ZFPM2: variants seen among roughly 807,000 people sequenced by gnomAD.
ZFPM2 encodes the protein zinc finger protein, FOG family member 2.
ZFPM2 carries 20 observed loss-of-function variants against 98.6 expected under a neutral mutation model. The ratio of observed to expected loss-of-function variants is 0.20; its 90% CI spans 0.14 to 0.29. The LOEUF is 0.29. Among genes scored for constraint, ZFPM2 ranks in the 10% least tolerant of loss-of-function variants. The pLI, the probability that ZFPM2 is intolerant of heterozygous loss-of-function variation, is 1.00. For synonymous variants in ZFPM2, 518 were observed against 502.7 expected (o/e 1.03, Z -0.41); for missense variants, 1,310 against 1,388.6 (o/e 0.94, Z 0.90).
At chr8:105,455,699 T>A (rs1812575375) in intron 3 of ZFPM2, among the ~76,000 whole-genome samples, 1 of 152,172 alleles carries the variant, frequency 6.6e-6, no homozygotes, top group Non-Finnish European at 1.5e-5. Flanking sequence ...GAGCACTTTA[T>A]ATATTTGTTA....
intron 2 of ZFPM2, among the ~76,000 whole-genome samples, chr8:105,441,587 G>A (rs931665138): frequency 3.3e-5 from 5 of 151,986 alleles, no homozygotes; most frequent in African/African-American, 4.8e-5. Context: ...GGAAGAGAGC[G>A]GATTGGGGCC....
intron 2 of ZFPM2, among the ~76,000 whole-genome samples, chr8:105,432,363 A>C (rs1216183755): frequency 6.6e-6 from 1 of 152,148 alleles, no homozygotes; most frequent in Non-Finnish European, 1.5e-5. Flanking sequence ...GTGTTATATA[A>C]AGGGCATTCA....
At position 105,444,160 on chromosome 8, in the gene ZFPM2, A is replaced by C. The variant is rs1304597781; in HGVS notation, c.200-120A>C. ...GTCATGAACATTTATTAGTGTAATG[A>C]CAATATGTATAACAAACCTGTAATT... On this transcript the variant is annotated intron_variant, in intron 2 of 7. Transcript: ENST00000407775. 5 of 732,892 alleles carry C rather than the reference A, an allele frequency of 6.8e-6. No homozygotes were observed. In the East Asian group the frequency reaches 1.4e-4, roughly 20 times the overall value. 45.4% of individuals were successfully genotyped at this position (732,892 alleles called of 1,614,324 possible). A position where few individuals can be genotyped will look rare whatever the true frequency, so the allele number is the denominator to read the frequency against.
At chr8:105,442,001 TTG>T (rs1812260763) in intron 2 of ZFPM2, among the ~76,000 whole-genome samples, 1 of 152,094 alleles carries the variant, frequency 6.6e-6, no homozygotes, top group Admixed American at 6.5e-5. Context: ...TTGCTAAGAC[TTG>T]GTCTTATTTG....
chr8:105,594,369 C>T (rs1194185819), intron 4 of ZFPM2, among the ~76,000 whole-genome samples: 2 of 152,068 alleles, frequency 1.3e-5, no homozygotes, highest in East Asian at 3.9e-4. Flanking sequence ...CAGAATGGAC[C>T]TTTTACTTTT....
intron 1 of ZFPM2, among the ~76,000 whole-genome samples, chr8:105,397,062 C>T (rs1437212901): frequency 2.0e-5 from 3 of 151,920 alleles, no homozygotes; most frequent in African/African-American, 7.3e-5. Context: ...ACAAAAACAC[C>T]ACTCCTACAA....
chr8:105,406,563 A>G (rs867589314), intron 1 of ZFPM2, among the ~76,000 whole-genome samples: 3 of 151,900 alleles, frequency 2.0e-5, no homozygotes, highest in Non-Finnish European at 4.4e-5. Flanking sequence ...TGACCCTCAC[A>G]CTCCTGAAGG....
chr8:105,707,007 A>G (rs890634864), intron 5 of ZFPM2, among the ~76,000 whole-genome samples: 3 of 152,118 alleles, frequency 2.0e-5, no homozygotes, highest in African/African-American at 7.2e-5. Context: ...TTGGAAGGCC[A>G]AGGTGGGAGG....
chr8:105,783,476 A>G (rs1241363733), intron 5 of ZFPM2, among the ~76,000 whole-genome samples: 1 of 152,086 alleles, frequency 6.6e-6, no homozygotes, highest in Non-Finnish European at 1.5e-5. Flanking sequence ...TGCAACTATT[A>G]CCACCATCCA....
At chr8:105,797,872 G>A (rs1813879620) in intron 6 of ZFPM2, among the ~76,000 whole-genome samples, 1 of 152,154 alleles carries the variant, frequency 6.6e-6, no homozygotes, top group Non-Finnish European at 1.5e-5. Context: ...CATCAGAACA[G>A]TAATTAGGCT....
chr8:105,796,267 G>T (rs1426212016), intron 6 of ZFPM2, among the ~76,000 whole-genome samples: 2 of 115,166 alleles, frequency 1.7e-5, no homozygotes, highest in Non-Finnish European at 3.3e-5. Context: ...AAGATTCTAG[G>T]AGTATCTGAT....
intron 3 of ZFPM2, among the ~76,000 whole-genome samples, chr8:105,510,769 G>A (rs1415026280): frequency 1.3e-5 from 2 of 152,194 alleles, no homozygotes; most frequent in Non-Finnish European, 2.9e-5. Flanking sequence ...GGAGATACTG[G>A]ATCGTGGACT....
intron 1 of ZFPM2, among the ~76,000 whole-genome samples, chr8:105,380,705 A>ATATATATATAT (rs71305148): frequency 6.3e-5 from 1 of 16,000 alleles, no homozygotes; most frequent in Non-Finnish European, 9.9e-5. Flanking sequence ...AACATATATA[A>ATATATATATAT]TATATATATA....
intron 5 of ZFPM2, among the ~76,000 whole-genome samples, chr8:105,640,229 A>G (rs755049775): frequency 2.6e-5 from 4 of 152,048 alleles, no homozygotes; most frequent in Non-Finnish European, 4.4e-5. Context: ...AAAATTTTGG[A>G]AGATGCCATT....
rs558675533 is a variant in ZFPM2 at position 105,522,339 on chromosome 8, T to A, written c.302-39024T>A. On this transcript the variant is annotated intron_variant, in intron 3 of 7. Transcript: ENST00000407775. The stretch of plus-strand genomic sequence containing the variant: ...AGGAACGATGTTTGGGAGAACAACA[T>A]CTTTTAACTTTTCACCATGTAATTA... Among the ~76,000 whole-genome samples, 240 of 152,314 alleles carry A rather than the reference T, an allele frequency of 1.6e-3. 1 individual carries two copies. Among genetic ancestry groups the A allele is most frequent in the African/African-American group, 5.4e-3 (225 of 41,582 alleles).
chr8:105,591,581 T>G (rs1251716237), intron 4 of ZFPM2, among the ~76,000 whole-genome samples: 1 of 152,192 alleles, frequency 6.6e-6, no homozygotes, highest in Non-Finnish European at 1.5e-5. Context: ...AAATTTTATT[T>G]AAAGACTTGT....
At chr8:105,446,877 T>G (rs1812384336) in intron 3 of ZFPM2, among the ~76,000 whole-genome samples, 1 of 152,150 alleles carries the variant, frequency 6.6e-6, no homozygotes, top group African/African-American at 2.4e-5. Context: ...TTATTTACTT[T>G]TCAAGGTAGA....
intron 4 of ZFPM2, among the ~76,000 whole-genome samples, chr8:105,629,529 TAAAAC>T (rs1816719100): frequency 6.6e-6 from 1 of 152,182 alleles, no homozygotes; most frequent in Admixed American, 6.5e-5. Flanking sequence ...CTTGAGGGCT[TAAAAC>T]AACAGAAATT....
At chr8:105,761,103 G>A (rs1484224090) in intron 5 of ZFPM2, among the ~76,000 whole-genome samples, 1 of 151,964 alleles carries the variant, frequency 6.6e-6, no homozygotes, top group Non-Finnish European at 1.5e-5. Flanking sequence ...TGTTATCTCA[G>A]TCTTTGGGGA....
Sources: allele counts gnomAD v4.1 joint callset (sites outside exome capture counted in the v4.1 genomes callset), GRCh38; gene constraint gnomAD v4.1.1; transcripts MANE v1.5; gene names NCBI Gene and HGNC (gene_info 2026-07-23, HGNC 2026-07-21).